The following GPR39 variants were observed in gnomAD, a reference collection of about 807,000 sequenced individuals.
The protein encoded by GPR39 is zinc sensing receptor.
Under a neutral mutation model 18.4 loss-of-function variants are expected in GPR39, and 23 were observed. The observed-to-expected ratio is 1.25, with a 90% confidence interval of 0.90 to 1.77. GPR39 has a LOEUF of 1.77. Among genes scored for constraint, GPR39 ranks in the 40% most tolerant of loss-of-function variants. GPR39 has a pLI of 0.00. For missense variants in GPR39, 647 were observed against 602.4 expected (o/e 1.07, Z -0.78); for synonymous variants, 280 against 257.9 (o/e 1.09, Z -0.82).
At chr2:132,540,998 C>G (rs925699014) in intron 1 of GPR39, among the ~76,000 whole-genome samples, 2 of 152,066 alleles carry the variant, frequency 1.3e-5, no homozygotes, top group Non-Finnish European at 2.9e-5. Context: ...CCTCTTGCCC[C>G]ATTGACCTGC....
chr2:132,643,899 A>G (rs576144222), intron 1 of GPR39, among the ~76,000 whole-genome samples: 40 of 152,350 alleles, frequency 2.6e-4, no homozygotes, highest in African/African-American at 9.1e-4. Context: ...TAGGGTTTCT[A>G]GAAAATCAGA....
chr2:132,514,828 A>G (rs80124428), intron 1 of GPR39, among the ~76,000 whole-genome samples: 1 of 152,318 alleles, frequency 6.6e-6, no homozygotes, highest in East Asian at 1.9e-4. Context: ...TAAAAAGCCT[A>G]TTTTGGTAAC....
At chr2:132,520,811 C>G (rs920388023) in intron 1 of GPR39, among the ~76,000 whole-genome samples, 2 of 151,972 alleles carry the variant, frequency 1.3e-5, no homozygotes, top group African/African-American at 4.8e-5. Context: ...TCAGGTTTAC[C>G]TGGACCAAGG....
At chr2:132,531,649 C>G (rs1006409990) in intron 1 of GPR39, among the ~76,000 whole-genome samples, 4 of 152,208 alleles carry the variant, frequency 2.6e-5, no homozygotes. Flanking sequence ...AACAAACTAT[C>G]TCTCAGACCA....
chr2:132,436,662 T>G (rs1319907893), intron 1 of GPR39, among the ~76,000 whole-genome samples: 1 of 152,138 alleles, frequency 6.6e-6, no homozygotes, highest in Non-Finnish European at 1.5e-5. Flanking sequence ...TATTTGTGAT[T>G]ATATTCAGCT....
intron 1 of GPR39, among the ~76,000 whole-genome samples, chr2:132,625,937 T>C (rs1426764968): frequency 6.6e-6 from 1 of 151,756 alleles, no homozygotes; most frequent in African/African-American, 2.4e-5. Flanking sequence ...CTGTCTCTAG[T>C]AAAAATACAA....
chr2:132,585,308 T>C (rs1680705444), intron 1 of GPR39, among the ~76,000 whole-genome samples: 1 of 152,042 alleles, frequency 6.6e-6, no homozygotes, highest in African/African-American at 2.4e-5. Flanking sequence ...CCCAGGCCTT[T>C]CCCTAAACCC....
intron 1 of GPR39, among the ~76,000 whole-genome samples, chr2:132,469,609 G>A (rs1295310560): frequency 6.6e-6 from 1 of 152,194 alleles, no homozygotes; most frequent in Non-Finnish European, 1.5e-5. Flanking sequence ...GGGCCAGGTG[G>A]AAGAGGTAGT....
chr2:132,624,990 A>G (rs1681515230), intron 1 of GPR39, among the ~76,000 whole-genome samples: 1 of 152,114 alleles, frequency 6.6e-6, no homozygotes, highest in African/African-American at 2.4e-5. Flanking sequence ...CAGCTCTACT[A>G]GAGACTGTCA....
chr2:132,564,150 C>T (rs530272388), intron 1 of GPR39, among the ~76,000 whole-genome samples: 1 of 152,350 alleles, frequency 6.6e-6, no homozygotes, highest in South Asian at 2.1e-4. Flanking sequence ...GGCTGAGGAT[C>T]ACTGAGGTGG....
At chr2:132,621,758 T>C (rs1303145116) in intron 1 of GPR39, among the ~76,000 whole-genome samples, 1 of 152,156 alleles carries the variant, frequency 6.6e-6, no homozygotes. Flanking sequence ...GTTAAGTGGG[T>C]TCAGTGATGT....
In GPR39 at chr2:132,541,904, G is replaced by A. The variant is rs143838510; in HGVS notation, c.857-103197G>A. ...TTCTCACAGTCCTGGAGGCTGGGAA[G>A]TCTGAGATCAGGGTGCCAGCAGGTT... On this transcript the variant is annotated intron_variant, in intron 1 of 1. Transcript: ENST00000329321. 7.9e-5 allele frequency among the ~76,000 whole-genome samples: 12 copies of A among 152,324 alleles called. No individual in the cohort carries two copies. In the East Asian group the frequency reaches 2.3e-3, roughly 29 times the overall value.
chr2:132,540,818 G>C (rs1679848508), intron 1 of GPR39, among the ~76,000 whole-genome samples: 1 of 152,198 alleles, frequency 6.6e-6, no homozygotes, highest in Admixed American at 6.5e-5. Context: ...AGTGTGGTAT[G>C]AAATTGAAAC....
At position 132,523,220 on chromosome 2, in the gene GPR39, A is replaced by G. The variant is rs143674975; in HGVS notation, c.856+105322A>G. Among the ~76,000 whole-genome samples, 439 of 152,348 alleles carry G rather than the reference A, an allele frequency of 2.9e-3. 1 individual carries two copies. Among genetic ancestry groups the G allele is most frequent in the African/African-American group, 8.8e-3 (366 of 41,570 alleles). ...GGTATTCACCTGTTAAACATTAAGA[A>G]CTAAGAACATTAAAAAAGGAGAAAA... On this transcript the variant is annotated intron_variant, in intron 1 of 1. Coordinates refer to ENST00000329321, the MANE Select transcript of GPR39 (RefSeq NM_001508.3).
intron 1 of GPR39, among the ~76,000 whole-genome samples, chr2:132,599,395 C>T (rs1186518705): frequency 6.6e-6 from 1 of 152,164 alleles, no homozygotes; most frequent in East Asian, 1.9e-4. Context: ...ATCCTGTTCT[C>T]TCTCCGTCTG....
chr2:132,534,745 A>T (rs1299299176), intron 1 of GPR39, among the ~76,000 whole-genome samples: 3 of 152,046 alleles, frequency 2.0e-5, no homozygotes, highest in Non-Finnish European at 4.4e-5. Flanking sequence ...AAGGACAAAA[A>T]ACTAAACACC....
chr2:132,545,324 A>G (rs1383148643), intron 1 of GPR39, among the ~76,000 whole-genome samples: 2 of 152,226 alleles, frequency 1.3e-5, no homozygotes, highest in Admixed American at 1.3e-4. Context: ...CAGGCAGTCC[A>G]TGTGAGGCAG....
intron 1 of GPR39, among the ~76,000 whole-genome samples, chr2:132,547,101 G>A (rs1408171054): frequency 6.6e-6 from 1 of 152,150 alleles, no homozygotes; most frequent in Non-Finnish European, 1.5e-5. Context: ...ACTGTATGAG[G>A]AAGCCCACTA....
chr2:132,571,826 A>AGTGCTAAATTGTGGCACAG (rs1260569426), intron 1 of GPR39, among the ~76,000 whole-genome samples: 1 of 152,246 alleles, frequency 6.6e-6, no homozygotes, highest in Non-Finnish European at 1.5e-5. Context: ...TGAATAATTA[A>AGTGCTAAATTGTGGCACAG]GTGCTAAATT....
Sources: gnomAD v4.1 joint callset for allele counts (sites outside exome capture counted in the v4.1 genomes callset) on GRCh38, gnomAD v4.1.1 for gene constraint, MANE v1.5 for transcripts, NCBI Gene and HGNC (gene_info 2026-07-23, HGNC 2026-07-21) for gene names.